Variants in ANK3 observed in about 807,000 individuals in gnomAD.
ANK3 encodes ankyrin-3.
Under a neutral mutation model 370.9 loss-of-function variants are expected in ANK3, and 57 were observed. That is an observed-to-expected ratio of 0.15 (90% CI 0.12 to 0.19). The LOEUF is 0.19. ANK3 is among the 10% of genes least tolerant of loss of function. The pLI, the probability that ANK3 is intolerant of heterozygous loss-of-function variation, is 1.00. For missense variants in ANK3, 4,439 were observed against 5,302.1 expected (o/e 0.84, Z 5.06); for synonymous variants, 1,929 against 1,946.3 (o/e 0.99, Z 0.23).
chr10:60,076,715 C>A (rs1449869336), intron 36 of ANK3, among the ~76,000 whole-genome samples: 2 of 151,580 alleles, frequency 1.3e-5, no homozygotes, highest in African/African-American at 4.8e-5. Flanking sequence ...CACATTGCAA[C>A]CAAAGAGGCA....
chr10:60,670,569 GC>G (rs2079053204), intron 1 of ANK3, among the ~76,000 whole-genome samples: 1 of 152,038 alleles, frequency 6.6e-6, no homozygotes, highest in African/African-American at 2.4e-5. Flanking sequence ...CCCTCCATAA[GC>G]CGTTTTCCAC....
chr10:60,280,471 A>G (rs963458857), intron 1 of ANK3, among the ~76,000 whole-genome samples: 3 of 152,220 alleles, frequency 2.0e-5, no homozygotes, highest in African/African-American at 7.2e-5. Context: ...ATACATATAC[A>G]ATTTTAGAAC....
intron 4 of ANK3, among the ~76,000 whole-genome samples, chr10:60,275,109 T>A (rs1038420023): frequency 6.6e-6 from 1 of 152,160 alleles, no homozygotes; most frequent in Admixed American, 6.6e-5. Context: ...ATTTCCTAAC[T>A]TAGAACATTT....
chr10:60,628,396 C>T (rs1051449147), intron 1 of ANK3, among the ~76,000 whole-genome samples: 1 of 152,184 alleles, frequency 6.6e-6, no homozygotes, highest in African/African-American at 2.4e-5. Context: ...GCAAGCTGCA[C>T]CTGATAAAGC....
rs72806157 is a variant in ANK3, at chr10:60,405,532, G to A, written c.97-125893C>T. 3.8e-3 allele frequency among the ~76,000 whole-genome samples: 580 copies of A among 152,196 alleles called. 9 individuals carry two copies. The highest frequency in any genetic ancestry group is 6.5e-3 in the Non-Finnish European group (445 of 67,974). On this transcript the variant is annotated intron_variant, in intron 2 of 43. Transcript: ENST00000373827. ...ACTGGGAAGGGAGAAAATTTTCTGG[G>A]GTGATAGTAATGTTTTGTGTCTCAA... is the stretch of plus-strand genomic sequence containing the variant.
At chr10:60,357,538 A>G (rs1463971211) in intron 1 of ANK3, among the ~76,000 whole-genome samples, 1 of 152,168 alleles carries the variant, frequency 6.6e-6, no homozygotes, top group Non-Finnish European at 1.5e-5. Context: ...TTCAATATGT[A>G]TAAGGAAATC....
intron 2 of ANK3, among the ~76,000 whole-genome samples, chr10:60,576,555 A>T (rs531513397): frequency 6.6e-6 from 1 of 152,360 alleles, no homozygotes; most frequent in South Asian, 2.1e-4. Context: ...ACAACCTTCC[A>T]TTGATATTCA....
At chr10:60,562,601 G>T (rs1336092371) in intron 2 of ANK3, among the ~76,000 whole-genome samples, 1 of 152,106 alleles carries the variant, frequency 6.6e-6, no homozygotes, top group African/African-American at 2.4e-5. Context: ...TTTTAGTAGA[G>T]ACAGGGTTTC....
chr10:60,051,457 G>A (rs1238726326), intron 42 of ANK3: 2 of 977,296 alleles, frequency 2.0e-6, no homozygotes, highest in African/African-American at 3.5e-5. Context: ...GCCACATAAT[G>A]ATCCAGCTAC....
At chr10:60,438,124 T>C (rs2064203847) in intron 2 of ANK3, among the ~76,000 whole-genome samples, 1 of 152,136 alleles carries the variant, frequency 6.6e-6, no homozygotes, top group Non-Finnish European at 1.5e-5. Context: ...TTTTCTACTC[T>C]CCAATTCCTA....
chr10:60,251,476 G>A (rs986198721), intron 7 of ANK3, among the ~76,000 whole-genome samples: 1 of 152,170 alleles, frequency 6.6e-6, no homozygotes, highest in Non-Finnish European at 1.5e-5. Flanking sequence ...ACTGACCCAT[G>A]CATTGAAGGA....
intron 1 of ANK3, among the ~76,000 whole-genome samples, chr10:60,383,463 G>C (rs1189177928): frequency 6.6e-6 from 1 of 152,080 alleles, no homozygotes; most frequent in Non-Finnish European, 1.5e-5. Flanking sequence ...GCCAGAATCT[G>C]AACTCAGACA....
In ANK3 at chr10:60,027,838, T is replaced by C. The variant is rs2072479500; in HGVS notation, c.*2008A>G. 1 of 152,126 alleles carries C rather than the reference T, an allele frequency of 6.6e-6. No individual in the cohort carries two copies. Among genetic ancestry groups the C allele is most frequent in the Non-Finnish European group, 1.5e-5 (1 of 68,026 alleles). 9.4% of individuals were successfully genotyped at this position (152,126 alleles called of 1,614,324 possible). A position where few individuals can be genotyped will look rare whatever the true frequency, so the allele number is the denominator to read the frequency against. ...CAAATTCACAGTCAGGTTGTACAAA[T>C]ATAAGAAATGAGGCTGTGGCAGTGA... On this transcript the variant is annotated 3_prime_UTR_variant, in exon 44 of 44. Coordinates refer to ENST00000280772, the MANE Select transcript of ANK3 (RefSeq NM_020987.5).
At chr10:60,197,391 A>C (rs918226625) in intron 14 of ANK3, among the ~76,000 whole-genome samples, 1 of 152,206 alleles carries the variant, frequency 6.6e-6, no homozygotes, top group South Asian at 2.1e-4. Context: ...GGGGGTCCCA[A>C]TCATGAGTCA....
intron 2 of ANK3, among the ~76,000 whole-genome samples, chr10:60,551,620 A>C (rs1293879551): frequency 6.6e-6 from 1 of 151,412 alleles, no homozygotes; most frequent in Non-Finnish European, 1.5e-5. Flanking sequence ...CTTATGAAAT[A>C]CTATTGCTTA....
intron 1 of ANK3, among the ~76,000 whole-genome samples, chr10:60,375,038 C>CA (rs751177913): frequency 1.3e-5 from 2 of 152,146 alleles, no homozygotes; most frequent in African/African-American, 2.4e-5. Context: ...GACGTATATA[C>CA]ACGCACAGAA....
At chr10:60,409,975 G>A (rs569716681) in intron 2 of ANK3, among the ~76,000 whole-genome samples, 25 of 152,072 alleles carry the variant, frequency 1.6e-4, no homozygotes, top group African/African-American at 5.8e-4. Flanking sequence ...CACTCCATAG[G>A]TGCATCCCCT....
chr10:60,614,831 T>A (rs542203279), intron 2 of ANK3, among the ~76,000 whole-genome samples: 1 of 152,282 alleles, frequency 6.6e-6, no homozygotes, highest in South Asian at 2.1e-4. Context: ...GCATTATCAA[T>A]GGAGAAATGG....
chr10:60,560,340 G>C (rs181133728), intron 2 of ANK3, among the ~76,000 whole-genome samples: 1 of 152,256 alleles, frequency 6.6e-6, no homozygotes, highest in East Asian at 1.9e-4. Context: ...ATGAAAGACA[G>C]TGAAAACTTC....
Sources: allele counts gnomAD v4.1 joint callset (sites outside exome capture counted in the v4.1 genomes callset), GRCh38; gene constraint gnomAD v4.1.1; transcripts MANE v1.5; gene names NCBI Gene and HGNC (gene_info 2026-07-23, HGNC 2026-07-21).